The following EXOC6B variants were observed in gnomAD, a reference collection of about 807,000 sequenced individuals.
EXOC6B encodes SEC15 homolog B.
In EXOC6B, 54 loss-of-function variants were observed where a neutral mutation model predicts 113.5. The ratio of observed to expected loss-of-function variants is 0.48; its 90% CI spans 0.38 to 0.60. The LOEUF (loss-of-function observed/expected upper bound fraction) is 0.60, where lower values mean the gene tolerates loss of function less well. Ranked by LOEUF, EXOC6B falls within the 20% of genes least tolerant of loss-of-function variation. The pLI is 0.00. For missense variants in EXOC6B, 797 were observed against 977.5 expected, an observed-to-expected ratio of 0.82 and a Z score of 2.46; for synonymous variants, 357 against 339.0, an observed-to-expected ratio of 1.05 and a Z score of -0.58.
chr2:72,266,092 G>T (rs1485639952), intron 20 of EXOC6B, among the ~76,000 whole-genome samples: 1 of 152,164 alleles, frequency 6.6e-6, no homozygotes, highest in Non-Finnish European at 1.5e-5. Context: ...CCCACTTGTT[G>T]ATGGGGTTGT....
chr2:72,457,468 C>T (rs966189428), intron 18 of EXOC6B, among the ~76,000 whole-genome samples: 16 of 152,068 alleles, frequency 1.1e-4, no homozygotes, highest in African/African-American at 3.9e-4. Context: ...AAACCAAGGT[C>T]GGCTATGAGA....
intron 17 of EXOC6B, among the ~76,000 whole-genome samples, chr2:72,478,418 G>C (rs1000357080): frequency 1.1e-4 from 16 of 152,196 alleles, no homozygotes; most frequent in Non-Finnish European, 1.9e-4. Flanking sequence ...TCTGGAAACA[G>C]TAGCTTAGGA....
rs188000686 is a variant in EXOC6B, at chr2:72,315,261, G to A, written c.2196+19686C>T. Among the ~76,000 whole-genome samples, 687 of 152,198 alleles carry A rather than the reference G, an allele frequency of 4.5e-3. 8 individuals carry two copies. The highest frequency in any genetic ancestry group is 4.6e-3 in the Non-Finnish European group (310 of 67,994). On this transcript the variant is annotated intron_variant, in intron 20 of 21. Transcript: ENST00000272427. ...CTTGAGATGGGAGTGTACCCAGCAT[G>A]TCTAGGAAACAATAAAGGGGCTATC...
In EXOC6B at chr2:72,730,883, T is replaced by C. The variant is rs1680595687; in HGVS notation, c.464+124A>G. The stretch of plus-strand genomic sequence containing the variant: ...TAAATCTAGAATGAATCAATAAATA[T>C]ACAAAAGGTTAAGATGTTAGAAACT... On this transcript the variant is annotated intron_variant, in intron 5 of 21. Transcript: ENST00000272427. The C allele has an allele frequency of 1.2e-5, 6 of 482,990 alleles. 1 individual carries two copies. The South Asian group carries it at 1.5e-4, about 12-fold the overall frequency. The allele number at this position is 482,990 out of a possible 1,614,324, so 29.9% of individuals were successfully genotyped here. A position where few individuals can be genotyped will look rare whatever the true frequency, so the allele number is the denominator to read the frequency against.
At chr2:72,345,919 C>T (rs1261942401) in intron 19 of EXOC6B, among the ~76,000 whole-genome samples, 1 of 152,072 alleles carries the variant, frequency 6.6e-6, no homozygotes, top group Non-Finnish European at 1.5e-5. Context: ...GGAGGCTATA[C>T]ATGTGGTAGA....
chr2:72,668,308 T>A (rs1675541294), intron 6 of EXOC6B, among the ~76,000 whole-genome samples: 1 of 152,090 alleles, frequency 6.6e-6, no homozygotes, highest in South Asian at 2.1e-4. Context: ...ATTTATACAC[T>A]ATAGGTGGAA....
chr2:72,487,253 T>C (rs1446217990), intron 16 of EXOC6B, among the ~76,000 whole-genome samples: 2 of 152,256 alleles, frequency 1.3e-5, no homozygotes, highest in African/African-American at 4.8e-5. Context: ...CCATCTAAGA[T>C]ACCACATTAC....
intron 11 of EXOC6B, among the ~76,000 whole-genome samples, chr2:72,508,083 C>A (rs951441398): frequency 7.1e-6 from 1 of 141,052 alleles, no homozygotes; most frequent in Non-Finnish European, 1.5e-5. Flanking sequence ...AAATCAGAAA[C>A]TTTTCACCCA....
intron 8 of EXOC6B, among the ~76,000 whole-genome samples, chr2:72,558,174 C>T (rs1573389660): frequency 6.6e-6 from 1 of 151,332 alleles, no homozygotes; most frequent in African/African-American, 2.4e-5. Flanking sequence ...AATGTAAATA[C>T]AAAAATCACA....
chr2:72,803,523 A>G (rs1407761316), intron 1 of EXOC6B, among the ~76,000 whole-genome samples: 5 of 152,220 alleles, frequency 3.3e-5, no homozygotes, highest in African/African-American at 7.2e-5. Context: ...ATCAAAAATG[A>G]AAGTCCAAAA....
chr2:72,614,779 A>G (rs997742207), intron 6 of EXOC6B, among the ~76,000 whole-genome samples: 1 of 152,160 alleles, frequency 6.6e-6, no homozygotes, highest in Non-Finnish European at 1.5e-5. Context: ...CTCATACCCA[A>G]AGAAGTAGGG....
intron 18 of EXOC6B, among the ~76,000 whole-genome samples, chr2:72,407,306 T>C (rs1461736926): frequency 6.6e-6 from 1 of 152,200 alleles, no homozygotes; most frequent in African/African-American, 2.4e-5. Context: ...GCTGGTACCA[T>C]TCCTTCTGAA....
At chr2:72,401,827 C>A (rs1221499021) in intron 18 of EXOC6B, among the ~76,000 whole-genome samples, 2 of 147,250 alleles carry the variant, frequency 1.4e-5, no homozygotes, top group Non-Finnish European at 3.0e-5. Context: ...AGCATAAATA[C>A]AAAAAATTAA....
intron 18 of EXOC6B, among the ~76,000 whole-genome samples, chr2:72,460,859 T>C (rs1697596874): frequency 6.6e-6 from 1 of 151,594 alleles, no homozygotes; most frequent in Non-Finnish European, 1.5e-5. Flanking sequence ...CATTACTGGG[T>C]ATATACCCAA....
chr2:72,316,617 A>G (rs1687528403), intron 20 of EXOC6B, among the ~76,000 whole-genome samples: 1 of 152,258 alleles, frequency 6.6e-6, no homozygotes, highest in South Asian at 2.1e-4. Flanking sequence ...AAAATGCCAC[A>G]AAACAATATT....
intron 6 of EXOC6B, among the ~76,000 whole-genome samples, chr2:72,628,906 C>T (rs1672223577): frequency 6.6e-6 from 1 of 152,024 alleles, no homozygotes; most frequent in Admixed American, 6.6e-5. Context: ...AAATCTAATC[C>T]CTTTACTTTC....
chr2:72,629,340 T>G (rs1672251218), intron 6 of EXOC6B, among the ~76,000 whole-genome samples: 1 of 152,196 alleles, frequency 6.6e-6, no homozygotes, highest in Admixed American at 6.5e-5. Context: ...CCTCCCCACA[T>G]GCACTGCTTG....
chr2:72,763,153 A>G (rs1682844299), intron 1 of EXOC6B, among the ~76,000 whole-genome samples: 1 of 152,172 alleles, frequency 6.6e-6, no homozygotes, highest in African/African-American at 2.4e-5. Context: ...AAAAGATAAG[A>G]CAAACAAAAA....
At chr2:72,427,229 G>A (rs1454084394) in intron 18 of EXOC6B, among the ~76,000 whole-genome samples, 1 of 152,226 alleles carries the variant, frequency 6.6e-6, no homozygotes, top group African/African-American at 2.4e-5. Flanking sequence ...GCACAGAGGG[G>A]TGGACAGAGA....
Sources: allele counts gnomAD v4.1 joint callset (sites outside exome capture counted in the v4.1 genomes callset), GRCh38; gene constraint gnomAD v4.1.1; transcripts MANE v1.5; gene names NCBI Gene and HGNC (gene_info 2026-07-23, HGNC 2026-07-21).